Variants in ZNF280D observed in about 807,000 individuals in gnomAD.
The protein encoded by ZNF280D is suppressor of hairy wing homolog 4.
ZNF280D carries 39 observed loss-of-function variants against 94.7 expected under a neutral mutation model. That is an observed-to-expected ratio of 0.41 (90% CI 0.32 to 0.54). ZNF280D has a LOEUF of 0.54. Ranked by LOEUF, ZNF280D falls within the 20% of genes least tolerant of loss-of-function variation. The pLI is 0.22. For missense variants in ZNF280D, 1,090 were observed against 1,149.3 expected (o/e 0.95, Z 0.75); for synonymous variants, 398 against 377.6 (o/e 1.05, Z -0.63).
In ZNF280D at chr15:56,709,081, T is replaced by A. The variant is rs1306907289; in HGVS notation, c.-85-1775A>T. ...TCAGAGTGAACAGGCAACCTACAGA[T>A]TGGGAGAAAATTTTTGCAATCTACT... On this transcript the variant is annotated intron_variant, in intron 1 of 21. Coordinates refer to ENST00000267807, the MANE Select transcript of ZNF280D (RefSeq NM_017661.4). 6.2e-3 allele frequency among the ~76,000 whole-genome samples: 944 copies of A among 151,834 alleles called. 12 individuals are homozygous for A. The highest frequency in any genetic ancestry group is 0.022 in the African/African-American group (898 of 41,412).
chr15:56,731,506 CA>C lies in ZNF280D; in HGVS notation c.-86+1951del, dbSNP rs752976383. 2.0e-3 allele frequency among the ~76,000 whole-genome samples: 164 copies of C among 80,866 alleles called. 1 individual carries two copies. In the South Asian group the frequency reaches 0.028, roughly 14 times the overall value. 53.1% of individuals were successfully genotyped at this position (80,866 alleles called of 152,430 possible). On this transcript the variant is annotated intron_variant, in intron 1 of 21. Coordinates refer to ENST00000267807, the MANE Select transcript of ZNF280D (RefSeq NM_017661.4). ...TGGGACACAGAGCAAGTACCTATCT[CA>C]AAAAAAAAAAAAAAAAAAAAAGACT...
chr15:56,698,072 T>C (rs1278542856), intron 6 of ZNF280D: 1 of 152,244 alleles, frequency 6.6e-6, no homozygotes, highest in East Asian at 1.9e-4. Flanking sequence ...ACTACTTTGA[T>C]ACTATACCAA....
intron 1 of ZNF280D, among the ~76,000 whole-genome samples, chr15:56,722,122 C>A (rs552535644): frequency 6.6e-6 from 1 of 152,138 alleles, no homozygotes; most frequent in Non-Finnish European, 1.5e-5. Flanking sequence ...GCTGGTGGAG[C>A]AGTCAAAACA....
chr15:56,722,300 A>T (rs1490910554), intron 1 of ZNF280D, among the ~76,000 whole-genome samples: 1 of 152,236 alleles, frequency 6.6e-6, no homozygotes, highest in African/African-American at 2.4e-5. Context: ...AGAGACAAGA[A>T]GTGCTCACGC....
chr15:56,636,070 A>G (rs1566924830), intron 20 of ZNF280D, among the ~76,000 whole-genome samples: 1 of 152,230 alleles, frequency 6.6e-6, no homozygotes. Flanking sequence ...ATAATGGTGT[A>G]TTAATCACAC....
chr15:56,668,640 A>T (rs2054463907), intron 14 of ZNF280D, among the ~76,000 whole-genome samples, 183 bp downstream of exon 14: 1 of 152,130 alleles, frequency 6.6e-6, no homozygotes, highest in Admixed American at 6.6e-5. Flanking sequence ...CTAACCTAAC[A>T]GCTATCACTG....
intron 20 of ZNF280D, among the ~76,000 whole-genome samples, chr15:56,642,691 C>T (rs2052686682): frequency 6.6e-6 from 1 of 151,662 alleles, no homozygotes; most frequent in South Asian, 2.1e-4. Context: ...AAATTTATCT[C>T]CATTACTCAC....
chr15:56,713,079 C>A (rs1453118733), intron 1 of ZNF280D, among the ~76,000 whole-genome samples: 1 of 152,042 alleles, frequency 6.6e-6, no homozygotes, highest in African/African-American at 2.4e-5. Context: ...CCCATAAATT[C>A]AAGATATAAA....
At chr15:56,666,000 G>A (rs765827763) in intron 16 of ZNF280D, among the ~76,000 whole-genome samples, 32 of 152,058 alleles carry the variant, frequency 2.1e-4, no homozygotes, top group Non-Finnish European at 4.7e-4. Flanking sequence ...GCCAGGCATG[G>A]TGGCTCACAC....
At chr15:56,656,899 G>C (rs1389528514) in intron 17 of ZNF280D, among the ~76,000 whole-genome samples, 2 of 152,050 alleles carry the variant, frequency 1.3e-5, no homozygotes, top group African/African-American at 4.8e-5. Flanking sequence ...AAATTTTGTA[G>C]TCAAGGAAAG....
At chr15:56,644,728 T>C (rs1188013595) in intron 19 of ZNF280D, among the ~76,000 whole-genome samples, 8 of 152,190 alleles carry the variant, frequency 5.3e-5, no homozygotes, top group Non-Finnish European at 1.0e-4. Context: ...CCGTTAAGTA[T>C]GTTCATTATT....
intron 1 of ZNF280D, among the ~76,000 whole-genome samples, chr15:56,714,311 G>A (rs2057923946): frequency 6.6e-6 from 1 of 152,034 alleles, no homozygotes; most frequent in African/African-American, 2.4e-5. Flanking sequence ...GACTGTAGAA[G>A]ATAAATCTCA....
intron 13 of ZNF280D, among the ~76,000 whole-genome samples, chr15:56,669,869 TATTTTA>T (rs1339441042): frequency 1.1e-4 from 1 of 9,418 alleles, no homozygotes; most frequent in African/African-American, 2.7e-4. Flanking sequence ...TATATATATA[TATTTTA>T]TATATATATA....
intron 4 of ZNF280D, among the ~76,000 whole-genome samples, chr15:56,701,504 A>G (rs1021895271): frequency 6.6e-6 from 1 of 152,152 alleles, no homozygotes; most frequent in Non-Finnish European, 1.5e-5. Context: ...AGGAAATGAC[A>G]AATCTGACTA....
chr15:56,714,428 G>C (rs1302048123), intron 1 of ZNF280D, among the ~76,000 whole-genome samples: 1 of 152,162 alleles, frequency 6.6e-6, no homozygotes, highest in African/African-American at 2.4e-5. Context: ...ATACACCATA[G>C]TTTTTATTTT....
intron 16 of ZNF280D, among the ~76,000 whole-genome samples, chr15:56,665,792 A>C (rs2054250597): frequency 6.6e-6 from 1 of 151,990 alleles, no homozygotes; most frequent in Non-Finnish European, 1.5e-5. Context: ...ATTCTGTTGG[A>C]AAGTAACCAT....
At chr15:56,653,484 T>A in intron 19 of ZNF280D, 2 of 1,510,640 alleles carry the variant, frequency 1.3e-6, no homozygotes, top group Non-Finnish European at 8.8e-7. Flanking sequence ...GGTCCCACAG[T>A]CAAATTATTC....
chr15:56,665,795 G>A lies in ZNF280D; in HGVS notation c.1994+600C>T, dbSNP rs373412268. On this transcript the variant is annotated intron_variant, in intron 16 of 21. Transcript: ENST00000267807. ...TAAAAATTTAAAATTCTGTTGGAAA[G>A]TAACCATTATTGAAACACCAATGGG... 3.1e-4 allele frequency among the ~76,000 whole-genome samples: 47 copies of A among 150,694 alleles called. No individual in the cohort carries two copies. In the South Asian group the frequency reaches 8.0e-3, roughly 26 times the overall value.
chr15:56,653,419 T>G, intron 19 of ZNF280D: 2 of 1,397,380 alleles, frequency 1.4e-6, no homozygotes, highest in Non-Finnish European at 1.9e-6. Context: ...AGGCCAGCCA[T>G]GTAGAAAGGG....
Sources: allele counts gnomAD v4.1 joint callset (sites outside exome capture counted in the v4.1 genomes callset), GRCh38; gene constraint gnomAD v4.1.1; transcripts MANE v1.5; gene names NCBI Gene and HGNC (gene_info 2026-07-23, HGNC 2026-07-21).